The following CSMD1 variants were observed in gnomAD, a reference collection of about 807,000 sequenced individuals.
CSMD1 encodes the protein CUB and sushi domain-containing protein 1.
Under a neutral mutation model 417.5 loss-of-function variants are expected in CSMD1, and 213 were observed. The observed-to-expected ratio is 0.51, with a 90% CI of 0.46 to 0.57. The LOEUF (loss-of-function observed/expected upper bound fraction) is 0.57, where lower values mean the gene tolerates loss of function less well. Among genes scored for constraint, CSMD1 ranks in the 20% least tolerant of loss-of-function variants. The pLI, the probability that CSMD1 is intolerant of heterozygous loss-of-function variation, is 0.00. For synonymous variants in CSMD1, 2,862 were observed against 1,736.8 expected (o/e 1.65, Z -16.11); for missense variants, 6,923 against 4,529.7 (o/e 1.53, Z -15.17).
chr8:4,035,794 A>G (rs187584736), intron 3 of CSMD1, among the ~76,000 whole-genome samples: 1 of 152,202 alleles, frequency 6.6e-6, no homozygotes, highest in East Asian at 1.9e-4. Context: ...TATGATTAAA[A>G]AAGAAAAATG....
chr8:3,799,570 T>C (rs771117710), intron 5 of CSMD1, among the ~76,000 whole-genome samples: 4 of 151,752 alleles, frequency 2.6e-5, no homozygotes, highest in Admixed American at 6.6e-5. Flanking sequence ...ACCTTATCAT[T>C]TGAAACTGAA....
chr8:4,479,688 G>C (rs1283759900), intron 2 of CSMD1, among the ~76,000 whole-genome samples: 1 of 152,226 alleles, frequency 6.6e-6, no homozygotes, highest in Non-Finnish European at 1.5e-5. Flanking sequence ...GAGGTCAGGA[G>C]AGAGAGACCA....
At chr8:4,993,957 C>T (rs774695482) in intron 1 of CSMD1, among the ~76,000 whole-genome samples, 1 of 152,128 alleles carries the variant, frequency 6.6e-6, no homozygotes, top group African/African-American at 2.4e-5. Context: ...CTGGGAACTG[C>T]CCCTCAGCCA....
chr8:4,450,493 C>T (rs574076855), intron 2 of CSMD1, among the ~76,000 whole-genome samples: 43 of 152,052 alleles, frequency 2.8e-4, no homozygotes, highest in African/African-American at 8.0e-4. Flanking sequence ...AAATTATCTG[C>T]GTGTGGTGGT....
At chr8:4,805,739 C>G (rs567163157) in intron 1 of CSMD1, among the ~76,000 whole-genome samples, 1 of 152,264 alleles carries the variant, frequency 6.6e-6, no homozygotes, top group East Asian at 1.9e-4. Flanking sequence ...TGTTCAAATT[C>G]CAGACCCTGT....
At chr8:3,479,099 A>T (rs926221241) in intron 11 of CSMD1, among the ~76,000 whole-genome samples, 1 of 151,846 alleles carries the variant, frequency 6.6e-6, no homozygotes, top group Non-Finnish European at 1.5e-5. Context: ...CTCCTTGGGC[A>T]CTAAAGGCAC....
chr8:3,762,225 A>T (rs550593096), intron 5 of CSMD1, among the ~76,000 whole-genome samples: 4 of 151,922 alleles, frequency 2.6e-5, no homozygotes, highest in Admixed American at 1.3e-4. Context: ...TGCCCTCCTG[A>T]CTCAGATCAT....
intron 11 of CSMD1, among the ~76,000 whole-genome samples, chr8:3,485,711 G>A (rs920746362): frequency 2.6e-5 from 4 of 151,350 alleles, no homozygotes; most frequent in Non-Finnish European, 5.9e-5. Flanking sequence ...AGTGAGTTGA[G>A]ATTGTGCCAC....
chr8:4,346,825 G>A (rs918544389), intron 3 of CSMD1, among the ~76,000 whole-genome samples: 1 of 152,182 alleles, frequency 6.6e-6, no homozygotes, highest in Non-Finnish European at 1.5e-5. Flanking sequence ...AGAAATCCAA[G>A]GGGATTGAGA....
intron 3 of CSMD1, among the ~76,000 whole-genome samples, chr8:4,334,954 A>G (rs532223482): frequency 6.6e-6 from 1 of 152,116 alleles, no homozygotes; most frequent in East Asian, 1.9e-4. Context: ...ACATCCTCAC[A>G]TGACAGTAAA....
chr8:3,732,637 G>A (rs533197269), intron 6 of CSMD1, among the ~76,000 whole-genome samples: 11 of 152,188 alleles, frequency 7.2e-5, no homozygotes, highest in African/African-American at 2.6e-4. Flanking sequence ...TTTTTGGTTT[G>A]TTTGCTTGTT....
At chr8:4,496,495 G>C (rs1042615626) in intron 2 of CSMD1, among the ~76,000 whole-genome samples, 2 of 152,218 alleles carry the variant, frequency 1.3e-5, no homozygotes, top group Admixed American at 6.5e-5. Flanking sequence ...TGCGGAACTT[G>C]TAAGTCGGGT....
chr8:3,980,926 C>T (rs944353960), intron 5 of CSMD1, among the ~76,000 whole-genome samples: 5 of 152,264 alleles, frequency 3.3e-5, no homozygotes, highest in South Asian at 2.1e-4. Context: ...TCTAAAACAT[C>T]CCGCCGTTCC....
chr8:3,123,994 C>G (rs1817356554), intron 41 of CSMD1, among the ~76,000 whole-genome samples: 1 of 152,124 alleles, frequency 6.6e-6, no homozygotes, highest in South Asian at 2.1e-4. Context: ...TGAAAATAAC[C>G]TCTATGAAAA....
intron 1 of CSMD1, among the ~76,000 whole-genome samples, chr8:4,763,725 T>A (rs1288610085): frequency 6.6e-6 from 1 of 152,200 alleles, no homozygotes; most frequent in Admixed American, 6.5e-5. Context: ...AAATATGCAA[T>A]GTACTGGTTC....
chr8:3,814,636 C>T (rs891040772), intron 5 of CSMD1, among the ~76,000 whole-genome samples: 1 of 152,156 alleles, frequency 6.6e-6, no homozygotes. Flanking sequence ...GCCTCCCAAA[C>T]AAAGAGCTAT....
intron 10 of CSMD1, among the ~76,000 whole-genome samples, chr8:3,518,663 T>C (rs1190069455): frequency 2.0e-5 from 3 of 152,084 alleles, no homozygotes; most frequent in Non-Finnish European, 2.9e-5. Flanking sequence ...ATAAAACAAA[T>C]GAGAAACAAC....
At chr8:3,813,253 A>G (rs1801185218) in intron 5 of CSMD1, among the ~76,000 whole-genome samples, 1 of 152,166 alleles carries the variant, frequency 6.6e-6, no homozygotes, top group Non-Finnish European at 1.5e-5. Context: ...TCATTAAGAT[A>G]GCAATCAAAT....
chr8:4,053,159 T>C lies in CSMD1; in HGVS notation c.416-21060A>G, dbSNP rs111285304. ...TGGGTGCAGTGTACAGTTAGTGAAA[T>C]CTGAACTACAGGTGCAAATTTGAAG... On this transcript the variant is annotated intron_variant, in intron 3 of 69. Transcript: ENST00000635120. Among the ~76,000 whole-genome samples the C allele has an allele frequency of 1.1e-3, 168 of 152,276 alleles. 2 individuals carry two copies. The highest frequency in any genetic ancestry group is 4.0e-3 in the African/African-American group (166 of 41,546).
Sources: allele counts gnomAD v4.1 joint callset (sites outside exome capture counted in the v4.1 genomes callset), GRCh38; gene constraint gnomAD v4.1.1; transcripts MANE v1.5; gene names NCBI Gene and HGNC (gene_info 2026-07-23, HGNC 2026-07-21).